ATP11A: variants seen among roughly 807,000 people sequenced by gnomAD.
ATP11A encodes the protein phospholipid-transporting ATPase IH.
A neutral mutation model predicts 154.4 loss-of-function variants in ATP11A; 81 were observed. The ratio of observed to expected loss-of-function variants is 0.52; its 90% CI spans 0.44 to 0.63. The LOEUF is 0.63. ATP11A is among the 30% of genes least tolerant of loss of function. ATP11A has a pLI of 0.00. For synonymous variants in ATP11A, 623 were observed against 585.9 expected (o/e 1.06, Z -0.91); for missense variants, 1,316 against 1,474.3 (o/e 0.89, Z 1.76).
intron 2 of ATP11A, among the ~76,000 whole-genome samples, chr13:112,797,284 C>CAA (rs34154413): frequency 0.024 from 873 of 35,882 alleles, 40 homozygotes; most frequent in Middle Eastern, 0.11. Flanking sequence ...AACTCCATCT[C>CAA]AAAAAAAAAA....
At chr13:112,815,589 A>T (rs2078624091) in intron 5 of ATP11A, among the ~76,000 whole-genome samples, 1 of 152,374 alleles carries the variant, frequency 6.6e-6, no homozygotes, top group South Asian at 2.1e-4. Context: ...ACCTTTAATT[A>T]AAAACCCACA....
At position 112,836,264 on chromosome 13, in the gene ATP11A, T is replaced by C; in HGVS notation, c.1705+13T>C. On this transcript the variant is annotated intron_variant, in intron 16 of 29. Transcript: ENST00000375645. The stretch of plus-strand genomic sequence containing the variant: ...AAATCTGCTACAGGTAAAATTTCTT[T>C]TTCTTTTGATTTATTAAGTTATACG... 6.4e-6 allele frequency: 10 copies of C among 1,555,330 alleles called. No individual in the cohort carries two copies. The highest frequency in any genetic ancestry group is 8.9e-6 in the Non-Finnish European group (10 of 1,129,892).
At chr13:112,829,894 C>A (rs1199065667) in intron 12 of ATP11A, among the ~76,000 whole-genome samples, 1 of 152,198 alleles carries the variant, frequency 6.6e-6, no homozygotes, top group Non-Finnish European at 1.5e-5. Flanking sequence ...ATATACCAGA[C>A]AAGAAACTAT....
intron 1 of ATP11A, among the ~76,000 whole-genome samples, chr13:112,705,363 G>A (rs1380860727): frequency 6.6e-6 from 1 of 152,206 alleles, no homozygotes; most frequent in African/African-American, 2.4e-5. Flanking sequence ...GGTGTGTGAT[G>A]TCCTCAGCAC....
rs569569230 is a variant in ATP11A, at chr13:112,758,462, C to T, written c.40-26673C>T. 4.3e-4 allele frequency among the ~76,000 whole-genome samples: 62 copies of T among 144,914 alleles called. 1 individual carries two copies. The highest frequency in any genetic ancestry group is 2.5e-3 in the Admixed American group (37 of 14,576). On this transcript the variant is annotated intron_variant, in intron 1 of 29. Transcript: ENST00000375645. ...TTTTTGAGACAGAGTCTCTCTCTGT[C>T]GCCCAGGCTGGAGTGCAGTGGCACA... is the stretch of plus-strand genomic sequence containing the variant.
At chr13:112,854,179 C>T (rs145482215) in intron 18 of ATP11A, 100 bp from the exon 19 acceptor site, 166 of 1,483,448 alleles carry the variant, frequency 1.1e-4, no homozygotes, top group Non-Finnish European at 1.4e-4. Context: ...TGAGGGGCTA[C>T]GATATTTTGA....
chr13:112,695,296 C>A (rs1235140357), intron 1 of ATP11A, among the ~76,000 whole-genome samples: 1 of 152,192 alleles, frequency 6.6e-6, no homozygotes, highest in African/African-American at 2.4e-5. Flanking sequence ...TGGTGGCAAG[C>A]CTGCAGTACA....
chr13:112,880,800 C>T (rs903490934), intron 29 of ATP11A: 1 of 985,334 alleles, frequency 1.0e-6, no homozygotes. Flanking sequence ...TTTGCTGTCC[C>T]AGGTAAGTAA....
At chr13:112,747,325 A>T (rs1594524312) in intron 1 of ATP11A, 1 of 152,030 alleles carries the variant, frequency 6.6e-6, no homozygotes, top group Admixed American at 6.5e-5. Flanking sequence ...CAGTCCCTGC[A>T]CCTCTCCACC....
chr13:112,828,140 AG>A (rs2078985560), intron 12 of ATP11A, among the ~76,000 whole-genome samples: 1 of 20,378 alleles, frequency 4.9e-5, no homozygotes, highest in Non-Finnish European at 8.8e-5. Flanking sequence ...AGCGTTGAGT[AG>A]GGGGGAAAGC....
intron 29 of ATP11A, chr13:112,881,264 G>C: frequency 1.0e-6 from 1 of 992,350 alleles, no homozygotes; most frequent in Non-Finnish European, 1.2e-6. Flanking sequence ...GTGCACATCC[G>C]GGGCCCCAGT....
At chr13:112,860,141 T>C in intron 23 of ATP11A, 146 bp from the exon 24 acceptor site, 1 of 820,492 alleles carries the variant, frequency 1.2e-6, no homozygotes, top group Non-Finnish European at 1.8e-6. Context: ...ACAGTTGATA[T>C]CACAGACCCT....
At chr13:112,759,395 G>C (rs1027152730) in intron 1 of ATP11A, among the ~76,000 whole-genome samples, 17 of 152,198 alleles carry the variant, frequency 1.1e-4, no homozygotes, top group Non-Finnish European at 1.5e-5. Context: ...CCGTCATGAC[G>C]GTGGGGGTTG....
chr13:112,701,366 C>T (rs79785172), intron 1 of ATP11A, among the ~76,000 whole-genome samples: 2 of 152,150 alleles, frequency 1.3e-5, no homozygotes, highest in Non-Finnish European at 2.9e-5. Flanking sequence ...TTAGTTTTGA[C>T]TTAAAGATTA....
chr13:112,760,509 A>T (rs1007120019), intron 1 of ATP11A, among the ~76,000 whole-genome samples: 2 of 152,190 alleles, frequency 1.3e-5, no homozygotes, highest in African/African-American at 4.8e-5. Flanking sequence ...TTGGGTTATT[A>T]AGTTGTTTTT....
At position 112,708,999 on chromosome 13, in the gene ATP11A, G is replaced by T. The variant is rs181647840; in HGVS notation, c.39+18544G>T. ...AGGGTAGACTCCGGGAGGGATGGGT[G>T]TGATGTGTCTGTAGGGTTCCAGGCG... On this transcript the variant is annotated intron_variant, in intron 1 of 29. Coordinates refer to ENST00000375645, the MANE Select transcript of ATP11A (RefSeq NM_015205.3). 5.2e-3 allele frequency among the ~76,000 whole-genome samples: 785 copies of T among 152,306 alleles called. 7 individuals carry two copies. Among genetic ancestry groups the T allele is most frequent in the Non-Finnish European group, 8.0e-3 (546 of 68,024 alleles).
chr13:112,784,886 G>A, intron 1 of ATP11A, among the ~76,000 whole-genome samples: 1 of 152,194 alleles, frequency 6.6e-6, no homozygotes, highest in East Asian at 1.9e-4. Context: ...GAAGTTCACT[G>A]TGTGGCTCTC....
chr13:112,805,178 ATTTTC>A (rs1406923586), intron 3 of ATP11A, 132 bp downstream of exon 3: 3 of 611,914 alleles, frequency 4.9e-6, no homozygotes, highest in Non-Finnish European at 7.9e-6. Context: ...TAATTTATTT[ATTTTC>A]TTAAGGAAGG....
At chr13:112,716,217 G>T (rs1401687346) in intron 1 of ATP11A, among the ~76,000 whole-genome samples, 1 of 152,202 alleles carries the variant, frequency 6.6e-6, no homozygotes, top group Non-Finnish European at 1.5e-5. Context: ...ACCGTGGTGG[G>T]GCCAAGTCCC....
Sources: gnomAD v4.1 joint callset for allele counts (sites outside exome capture counted in the v4.1 genomes callset) on GRCh38, gnomAD v4.1.1 for gene constraint, MANE v1.5 for transcripts, NCBI Gene and HGNC (gene_info 2026-07-23, HGNC 2026-07-21) for gene names.